The following LRP1B variants were observed in gnomAD, a reference collection of about 807,000 sequenced individuals.
LRP1B encodes the protein low-density lipoprotein receptor-related protein 1B.
In LRP1B, 217 loss-of-function variants were observed where a neutral mutation model predicts 556.6. That is an observed-to-expected ratio of 0.39 (90% CI 0.35 to 0.44). The LOEUF is 0.44. LRP1B is among the 20% of genes least tolerant of loss of function. The pLI is 1.00. For synonymous variants in LRP1B, 2,047 were observed against 1,865.8 expected, an observed-to-expected ratio of 1.10 and a Z score of -2.50; for missense variants, 5,053 against 5,620.8, an observed-to-expected ratio of 0.90 and a Z score of 3.23.
intron 41 of LRP1B, among the ~76,000 whole-genome samples, chr2:140,609,544 T>C (rs1682994074): frequency 6.6e-6 from 1 of 152,186 alleles, no homozygotes; most frequent in Non-Finnish European, 1.5e-5. Context: ...AGAAAAAGTG[T>C]TTCACCCCAA....
At chr2:142,059,159 G>T (rs1704797748) in intron 1 of LRP1B, among the ~76,000 whole-genome samples, 1 of 152,078 alleles carries the variant, frequency 6.6e-6, no homozygotes, top group Non-Finnish European at 1.5e-5. Context: ...GGAATAGGAA[G>T]TGATTGTGAA....
At chr2:140,720,941 T>C (rs1406667190) in intron 35 of LRP1B, among the ~76,000 whole-genome samples, 1 of 152,130 alleles carries the variant, frequency 6.6e-6, no homozygotes, top group Non-Finnish European at 1.5e-5. Context: ...ACAAGGAGTC[T>C]AGGGCTGGGT....
intron 49 of LRP1B, among the ~76,000 whole-genome samples, chr2:140,519,632 G>A (rs1323599728): frequency 6.6e-6 from 1 of 152,110 alleles, no homozygotes; most frequent in African/African-American, 2.4e-5. Context: ...AAACTAAAGA[G>A]ATTCTGCACA....
chr2:141,900,697 C>A (rs1486503868), intron 1 of LRP1B, among the ~76,000 whole-genome samples: 1 of 151,946 alleles, frequency 6.6e-6, no homozygotes, highest in African/African-American at 2.4e-5. Context: ...ATTAAAGATT[C>A]TTCAATTTAT....
At chr2:140,915,993 A>G (rs1334809383) in intron 21 of LRP1B, among the ~76,000 whole-genome samples, 3 of 152,128 alleles carry the variant, frequency 2.0e-5, no homozygotes, top group African/African-American at 7.2e-5. Flanking sequence ...TCGCCACTGC[A>G]CTCCAGCCCG....
At chr2:141,478,258 C>A (rs776289633) in intron 3 of LRP1B, among the ~76,000 whole-genome samples, 7 of 152,050 alleles carry the variant, frequency 4.6e-5, no homozygotes, top group Non-Finnish European at 4.4e-5. Flanking sequence ...TTCATACGAT[C>A]CTTGGCACAG....
chr2:140,897,908 A>C (rs1472380443), intron 23 of LRP1B, among the ~76,000 whole-genome samples: 1 of 151,960 alleles, frequency 6.6e-6, no homozygotes, highest in African/African-American at 2.4e-5. Context: ...GTGGGACTTC[A>C]CCCTATGATT....
chr2:140,872,712 C>A (rs1257538325), intron 25 of LRP1B, among the ~76,000 whole-genome samples: 1 of 151,936 alleles, frequency 6.6e-6, no homozygotes, highest in Non-Finnish European at 1.5e-5. Flanking sequence ...GACTTTTTCT[C>A]TCTGTACCTT....
intron 25 of LRP1B, among the ~76,000 whole-genome samples, chr2:140,874,418 G>A (rs180703741): frequency 6.6e-6 from 1 of 151,704 alleles, no homozygotes; most frequent in East Asian, 1.9e-4. Flanking sequence ...ATTAACTTTT[G>A]TTTGTTGTGG....
rs148141004 is a variant in LRP1B at position 141,028,173 on chromosome 2, C to T, written c.1790-8071G>A. Reference sequence around the variant, plus strand: ...TTTTATATAATAGAAGATATCAAGGCTAGATGTAGCATTACCTGTAAAAAT... The same window carrying T: ...TTTTATATAATAGAAGATATCAAGGTTAGATGTAGCATTACCTGTAAAAAT... On this transcript the variant is annotated intron_variant, in intron 11 of 90. Coordinates refer to ENST00000389484, the MANE Select transcript of LRP1B (RefSeq NM_018557.3). Among the ~76,000 whole-genome samples the T allele has an allele frequency of 3.9e-3, 595 of 151,718 alleles. 7 individuals are homozygous for T. The highest frequency in any genetic ancestry group is 0.014 in the African/African-American group (575 of 41,422).
intron 18 of LRP1B, among the ~76,000 whole-genome samples, chr2:140,963,635 C>T (rs1441445235): frequency 6.6e-6 from 1 of 151,978 alleles, no homozygotes; most frequent in African/African-American, 2.4e-5. Context: ...AAATAATCTG[C>T]TGAATTACTT....
At chr2:141,454,706 T>A (rs1284907779) in intron 3 of LRP1B, among the ~76,000 whole-genome samples, 1 of 152,246 alleles carries the variant, frequency 6.6e-6, no homozygotes, top group Admixed American at 6.5e-5. Flanking sequence ...GCCTTTATAC[T>A]TTTTCTTTCG....
chr2:141,074,374 A>G (rs1165148503), intron 7 of LRP1B, among the ~76,000 whole-genome samples: 2 of 151,956 alleles, frequency 1.3e-5, no homozygotes, highest in African/African-American at 2.4e-5. Flanking sequence ...ACATAATTTC[A>G]TGGCATTCTG....
At chr2:140,368,950 A>T (rs574401857) in intron 71 of LRP1B, among the ~76,000 whole-genome samples, 1 of 151,970 alleles carries the variant, frequency 6.6e-6, no homozygotes, top group Non-Finnish European at 1.5e-5. Flanking sequence ...AAAGAAAACC[A>T]AGTTAGAGGT....
intron 7 of LRP1B, among the ~76,000 whole-genome samples, chr2:141,100,226 C>T (rs1028364919): frequency 6.6e-6 from 1 of 152,178 alleles, no homozygotes; most frequent in Non-Finnish European, 1.5e-5. Context: ...AGAGTAAACT[C>T]TGCCATGGCA....
Position 141,416,552 on chromosome 2 carries a change from C to G in LRP1B, c.343+63844G>C, listed in dbSNP as rs180794210. 5.1e-4 allele frequency among the ~76,000 whole-genome samples: 77 copies of G among 149,766 alleles called. No individual in the cohort carries two copies. In the Middle Eastern group the frequency reaches 0.014, roughly 27 times the overall value. The stretch of plus-strand genomic sequence containing the variant: ...CACCACAACCTCTGCCTCCCAGGCT[C>G]AAGCAATTCTCCTGCCTCTACCTCC... On this transcript the variant is annotated intron_variant, in intron 3 of 90. Transcript: ENST00000389484.
At chr2:142,003,974 A>G (rs1252720436) in intron 1 of LRP1B, among the ~76,000 whole-genome samples, 10 of 152,196 alleles carry the variant, frequency 6.6e-5, no homozygotes, top group Non-Finnish European at 1.5e-5. Context: ...CTAGATTGCT[A>G]CAAAGACTCC....
chr2:140,359,875 C>A (rs1432082140), intron 72 of LRP1B, among the ~76,000 whole-genome samples: 1 of 151,560 alleles, frequency 6.6e-6, no homozygotes, highest in Non-Finnish European at 1.5e-5. Context: ...CAGTTAGTGG[C>A]ATATCATAGC....
At chr2:141,092,986 C>A (rs976146361) in intron 7 of LRP1B, among the ~76,000 whole-genome samples, 1 of 150,144 alleles carries the variant, frequency 6.7e-6, no homozygotes, top group South Asian at 2.1e-4. Flanking sequence ...ATTTCTGTGA[C>A]ACAAAGAAGG....
Sources: gnomAD v4.1 joint callset for allele counts (sites outside exome capture counted in the v4.1 genomes callset) on GRCh38, gnomAD v4.1.1 for gene constraint, MANE v1.5 for transcripts, NCBI Gene and HGNC (gene_info 2026-07-23, HGNC 2026-07-21) for gene names.